Variants in CCPG1 observed in about 807,000 individuals in gnomAD.
The protein encoded by CCPG1 is cell cycle progression 1.
A neutral mutation model predicts 81.3 loss-of-function variants in CCPG1; 46 were observed. The observed-to-expected ratio is 0.57, with a 90% CI of 0.45 to 0.72. The LOEUF (loss-of-function observed/expected upper bound fraction) is 0.72. Among genes scored for constraint, CCPG1 ranks in the 30% least tolerant of loss-of-function variants. CCPG1 has a pLI of 0.00. For missense variants in CCPG1, 902 were observed against 937.6 expected, an observed-to-expected ratio of 0.96 and a Z score of 0.50; for synonymous variants, 330 against 305.2, an observed-to-expected ratio of 1.08 and a Z score of -0.85.
chr15:55,369,065 T>C (rs2056391913), intron 6 of CCPG1, among the ~76,000 whole-genome samples: 1 of 151,776 alleles, frequency 6.6e-6, no homozygotes, highest in Non-Finnish European at 1.5e-5. Context: ...TGAGCCAAGA[T>C]CATACCACTG....
At chr15:55,407,842 C>T (rs1193025213) in intron 1 of CCPG1, 2 of 152,508 alleles carry the variant, frequency 1.3e-5, no homozygotes, top group African/African-American at 2.4e-5. Flanking sequence ...CACATAACAT[C>T]TTACCATATG....
At chr15:55,358,814 A>C (rs1431612729) in intron 8 of CCPG1, 4 of 980,452 alleles carry the variant, frequency 4.1e-6, no homozygotes, top group Non-Finnish European at 4.8e-6. Context: ...CAGCTTAATG[A>C]CTAAAGACAC....
At chr15:55,390,814 G>C (rs1437797474) in intron 1 of CCPG1, among the ~76,000 whole-genome samples, 1 of 152,076 alleles carries the variant, frequency 6.6e-6, no homozygotes, top group Non-Finnish European at 1.5e-5. Flanking sequence ...TGTTTCAAAT[G>C]AATTATTCAA....
intron 5 of CCPG1, among the ~76,000 whole-genome samples, chr15:55,374,861 T>G (rs2056529812): frequency 6.6e-6 from 1 of 152,144 alleles, no homozygotes; most frequent in Non-Finnish European, 1.5e-5. Context: ...GAAGGGTTTT[T>G]GCCGTGTTGG....
In CCPG1 at chr15:55,378,332, G is replaced by T; in HGVS notation, c.220C>A (p.Pro74Thr). The T allele has an allele frequency of 6.2e-7, 1 of 1,611,770 alleles. No individual in the cohort carries two copies. The highest frequency in any genetic ancestry group is 1.1e-5 in the South Asian group (1 of 90,912). The change falls in exon 4 of 9, where the codon CCA (proline) becomes ACA (threonine). Residue 74 changes from proline to threonine, a missense_variant. Physicochemically the swap from Pro to Thr is conservative, Grantham distance 38. Coordinates refer to ENST00000442196, the MANE Select transcript of CCPG1 (RefSeq NM_001204450.2). Reference protein sequence around the residue: ...GTVLMEETAYPALEETSSTIE... With the variant: ...GTVLMEETAYTALEETSSTIE... ...GTTGAGCTGGTTTCCTCCAAAGCTG[G>T]ATAAGCAGTTTCTTCCATAAGCACT...
At chr15:55,358,984 T>C in intron 8 of CCPG1, 4 of 977,120 alleles carry the variant, frequency 4.1e-6, no homozygotes, top group Non-Finnish European at 4.9e-6. Flanking sequence ...AGTACACACA[T>C]TAGAATTTGA....
At chr15:55,374,303 A>AGG in intron 5 of CCPG1, 1 of 852,528 alleles carries the variant, frequency 1.2e-6, no homozygotes, top group African/African-American at 1.8e-5. Context: ...TATAAAGACT[A>AGG]AAAAGAAAAA....
At position 55,359,810 on chromosome 15, in the gene CCPG1, C is replaced by G; in HGVS notation, c.1963G>C (p.Glu655Gln). The G allele has an allele frequency of 1.2e-6, 2 of 1,613,216 alleles. No individual in the cohort carries two copies. Among genetic ancestry groups the G allele is most frequent in the Non-Finnish European group, 8.5e-7 (1 of 1,179,818 alleles). ...TACCTTTGAATTATCTGTCTAAATTCATCCATCCTTATAGGATTCACCACT... is the reference window on the plus strand; with the variant it reads ...TACCTTTGAATTATCTGTCTAAATTGATCCATCCTTATAGGATTCACCACT... ...NTVVNPIRMD[E>Q]FRQIIQRYML... The change falls in exon 8 of 9, where the codon GAA becomes CAA. Residue 655 changes from glutamate to glutamine, a missense_variant. Transcript: ENST00000442196.
At chr15:55,364,372 T>TA (rs1360629841) in intron 7 of CCPG1, among the ~76,000 whole-genome samples, 5 of 150,294 alleles carry the variant, frequency 3.3e-5, no homozygotes, top group African/African-American at 1.2e-4. Flanking sequence ...AGAGAGGCTA[T>TA]AAAACCAAAA....
intron 7 of CCPG1, among the ~76,000 whole-genome samples, chr15:55,362,021 C>T (rs890736555): frequency 2.0e-5 from 3 of 152,092 alleles, no homozygotes; most frequent in African/African-American, 7.2e-5. Context: ...ATTACTATAA[C>T]TGAAAGTCAG....
At chr15:55,382,511 C>CTTTT (rs752529724) in intron 3 of CCPG1, among the ~76,000 whole-genome samples, 1 of 139,910 alleles carries the variant, frequency 7.1e-6, no homozygotes, top group African/African-American at 2.6e-5. Flanking sequence ...GGATCCACTT[C>CTTTT]TTTTTTTTTT....
At position 55,382,504 on chromosome 15, in the gene CCPG1, T is replaced by C. The variant is rs566472078; in HGVS notation, c.175+3096A>G. ...CAACAATTGGATCACATTTTCAGGA[T>C]CCACTTCTTTTTTTTTTTTTTTTGA... On this transcript the variant is annotated intron_variant, in intron 3 of 8. Coordinates refer to ENST00000442196, the MANE Select transcript of CCPG1 (RefSeq NM_001204450.2). Among the ~76,000 whole-genome samples the C allele has an allele frequency of 8.0e-5, 12 of 150,870 alleles. 1 individual carries two copies. In the South Asian group the frequency reaches 2.1e-3, roughly 26 times the overall value.
intron 1 of CCPG1, among the ~76,000 whole-genome samples, chr15:55,406,778 A>G (rs926364371): frequency 7.2e-5 from 11 of 152,088 alleles, no homozygotes; most frequent in African/African-American, 2.7e-4. Context: ...TTTTTGTTCC[A>G]TGGTTTACAA....
intron 6 of CCPG1, among the ~76,000 whole-genome samples, chr15:55,371,561 T>C (rs1226202319): frequency 6.6e-6 from 1 of 152,168 alleles, no homozygotes; most frequent in Admixed American, 6.6e-5. Flanking sequence ...CACAAACATA[T>C]ATGGTTATTA....
At position 55,371,842 on chromosome 15, in the gene CCPG1, A is replaced by G. The variant is rs1159667258; in HGVS notation, c.657T>C (p.Val219=). 1 of 1,614,154 alleles carries G rather than the reference A, an allele frequency of 6.2e-7. No individual in the cohort carries two copies. Among genetic ancestry groups the G allele is most frequent in the South Asian group, 1.1e-5 (1 of 91,088 alleles). ...RQFSSGLNKC[V]ILALVIAISM... ...TGATTGCAATCACCAAAGCAAGTAT[A>G]ACACACTTATTGAGACCACTACTGA... The change falls in exon 6 of 9, where the codon GTT becomes GTC. Residue 219 remains valine, a synonymous_variant. Coordinates refer to ENST00000442196, the MANE Select transcript of CCPG1 (RefSeq NM_001204450.2).
chr15:55,404,039 A>C (rs2057172157), intron 1 of CCPG1, among the ~76,000 whole-genome samples: 1 of 152,250 alleles, frequency 6.6e-6, no homozygotes, highest in Non-Finnish European at 1.5e-5. Context: ...CAGACATGTT[A>C]ATCAATTATG....
intron 1 of CCPG1, among the ~76,000 whole-genome samples, chr15:55,394,227 C>T (rs60168254): frequency 0.23 from 35,474 of 152,058 alleles, 5,255 homozygotes; most frequent in Non-Finnish European, 0.34. Context: ...CTCAAGTGAT[C>T]CACCCACCTC....
In CCPG1 at chr15:55,391,020, G is replaced by A. The variant is rs191219760; in HGVS notation, c.-9-1587C>T. 4.3e-3 allele frequency among the ~76,000 whole-genome samples: 658 copies of A among 152,314 alleles called. 4 individuals are homozygous for A. The highest frequency in any genetic ancestry group is 0.015 in the African/African-American group (628 of 41,576). On this transcript the variant is annotated intron_variant, in intron 1 of 8. Transcript: ENST00000442196. The stretch of plus-strand genomic sequence containing the variant: ...ATAAATTTTTTCTGTCCAGTCAGTA[G>A]AGGTTATCCAAAAAGCTACAGTTTA...
Position 55,388,758 on chromosome 15 carries a change from T to G in CCPG1, c.60+607A>C, listed in dbSNP as rs140268153. On this transcript the variant is annotated intron_variant, in intron 2 of 8. Coordinates refer to ENST00000442196, the MANE Select transcript of CCPG1 (RefSeq NM_001204450.2). ...TAGCCTGGGCAACAGAGCAAGATCC[T>G]GTCCCTTTAAAAAAAAAAAAAGACA... Among the ~76,000 whole-genome samples, 200 of 143,776 alleles carry G rather than the reference T, an allele frequency of 1.4e-3. 2 individuals are homozygous for G. Among genetic ancestry groups the G allele is most frequent in the African/African-American group, 4.7e-3 (192 of 40,818 alleles). 94.3% of individuals were successfully genotyped at this position (143,776 alleles called of 152,430 possible).
Sources: gnomAD v4.1 joint callset for allele counts (sites outside exome capture counted in the v4.1 genomes callset) on GRCh38, gnomAD v4.1.1 for gene constraint, MANE v1.5 for transcripts, NCBI Gene and HGNC (gene_info 2026-07-23, HGNC 2026-07-21) for gene names.